Variants in TIAM2 observed in about 807,000 individuals in gnomAD.
The protein encoded by TIAM2 is TIAM Rac1 associated GEF 2.
A neutral mutation model predicts 152.9 loss-of-function variants in TIAM2; 80 were observed. The ratio of observed to expected loss-of-function variants is 0.52; its 90% confidence interval spans 0.44 to 0.63. The LOEUF is 0.63. TIAM2 is among the 30% of genes least tolerant of loss of function. The pLI is 0.00. For synonymous variants in TIAM2, 804 were observed against 838.0 expected (o/e 0.96, Z 0.70); for missense variants, 1,965 against 2,120.1 (o/e 0.93, Z 1.44).
intron 4 of TIAM2, among the ~76,000 whole-genome samples, chr6:155,134,242 C>T (rs1020400743): frequency 6.6e-6 from 1 of 152,016 alleles, no homozygotes; most frequent in South Asian, 2.1e-4. Flanking sequence ...TATTTAAAGA[C>T]ATTCTATATT....
intron 1 of TIAM2, among the ~76,000 whole-genome samples, chr6:155,037,211 C>T (rs73002903): frequency 1.2e-4 from 18 of 152,220 alleles, no homozygotes; most frequent in Non-Finnish European, 1.9e-4. Context: ...TCAATTTTCT[C>T]ATCTGTAAAA....
intron 1 of TIAM2, among the ~76,000 whole-genome samples, chr6:155,062,722 G>T (rs1023471060): frequency 9.2e-5 from 14 of 151,816 alleles, no homozygotes; most frequent in African/African-American, 3.1e-4. Flanking sequence ...GGGATTACAG[G>T]TACCCACCAT....
chr6:155,099,661 G>A (rs781055354), intron 2 of TIAM2, among the ~76,000 whole-genome samples: 5 of 152,164 alleles, frequency 3.3e-5, no homozygotes, highest in African/African-American at 4.8e-5. Flanking sequence ...AGTTATTAAC[G>A]CTATGGCTAC....
chr6:155,254,469 G>A lies in TIAM2; in HGVS notation c.4364G>A (p.Arg1455Lys), dbSNP rs969956949. 6.2e-7 allele frequency: 1 copy of A among 1,614,148 alleles called. No individual in the cohort carries two copies. Among genetic ancestry groups the A allele is most frequent in the East Asian group, 2.2e-5 (1 of 44,880 alleles). Residue 1455 changes from arginine (R) to lysine (K), a missense_variant, in exon 26 of 27, where the codon AGG becomes AAG. Transcript: ENST00000682666. ...GTTAAGGTGATTCGTTCTATTCTGA[G>A]GGAGAACTTCAGGCGTCACATAAAG... ...NIVKVIRSILRENFRRHIKCE... is the reference protein window; with the variant it reads ...NIVKVIRSILKENFRRHIKCE...
At chr6:155,089,940 G>A (rs11967458) in intron 1 of TIAM2, among the ~76,000 whole-genome samples, 3,287 of 152,048 alleles carry the variant, frequency 0.022, 112 homozygotes, top group African/African-American at 0.076. Flanking sequence ...CCATCTGTCC[G>A]TCCGTCAGTC....
chr6:155,116,971 C>A (rs921313589), intron 2 of TIAM2, among the ~76,000 whole-genome samples: 2 of 150,992 alleles, frequency 1.3e-5, no homozygotes, highest in South Asian at 4.2e-4. Flanking sequence ...TTATAGAGGC[C>A]AGGATGTTGG....
intron 1 of TIAM2, among the ~76,000 whole-genome samples, chr6:155,052,678 A>G (rs1031118320): frequency 2.0e-5 from 3 of 151,988 alleles, no homozygotes; most frequent in Non-Finnish European, 2.9e-5. Context: ...AGGCAGGAGA[A>G]TCGCTTGAAC....
In TIAM2 at chr6:155,048,421, G is replaced by A. The variant is rs564475092; in HGVS notation, c.-208-41868G>A. Among the ~76,000 whole-genome samples the A allele has an allele frequency of 2.0e-5, 3 of 152,278 alleles. No homozygotes were observed. In the South Asian group the frequency reaches 6.2e-4, roughly 32 times the overall value. Reference sequence around the variant, plus strand: ...GGTCATTTTAAAATATGGATTGTATGTTTTGCCACTGTCCTTTGTAACAAG... The same window carrying A: ...GGTCATTTTAAAATATGGATTGTATATTTTGCCACTGTCCTTTGTAACAAG... On this transcript the variant is annotated intron_variant, in intron 1 of 26. Coordinates refer to ENST00000682666, the MANE Select transcript of TIAM2 (RefSeq NM_012454.4).
chr6:155,157,034 G>A (rs755401968), intron 7 of TIAM2, among the ~76,000 whole-genome samples: 5 of 152,292 alleles, frequency 3.3e-5, no homozygotes, highest in Non-Finnish European at 5.9e-5. Context: ...TGATTTCTTC[G>A]TGTGTAAGGT....
chr6:155,111,599 A>G (rs1778852695), intron 2 of TIAM2, among the ~76,000 whole-genome samples: 1 of 152,116 alleles, frequency 6.6e-6, no homozygotes, highest in African/African-American at 2.4e-5. Context: ...GGTGCCTCTC[A>G]AACGTTTCTG....
chr6:155,179,169 G>A (rs2115135099), intron 11 of TIAM2, 26 bp downstream of exon 11: 1 of 1,586,028 alleles, frequency 6.3e-7, no homozygotes, highest in Admixed American at 1.7e-5. Context: ...CTTTAGGAAG[G>A]GAAACTGAAC....
intron 15 of TIAM2, among the ~76,000 whole-genome samples, chr6:155,217,666 G>A (rs1781894722): frequency 6.6e-6 from 1 of 152,202 alleles, no homozygotes; most frequent in Non-Finnish European, 1.5e-5. Flanking sequence ...TAATCACCTA[G>A]TGTCGCTTTG....
At chr6:155,251,053 A>C in intron 22 of TIAM2, 32 bp downstream of exon 22, 1 of 1,590,512 alleles carries the variant, frequency 6.3e-7, no homozygotes, top group East Asian at 2.2e-5. Flanking sequence ...ATGCAGACTG[A>C]ACAGAGGCTG....
intron 1 of TIAM2, among the ~76,000 whole-genome samples, chr6:155,042,931 C>G (rs1168413094): frequency 6.6e-6 from 1 of 152,162 alleles, no homozygotes; most frequent in East Asian, 1.9e-4. Context: ...CCTCCAGCCT[C>G]CCTCAGTTAC....
intron 1 of TIAM2, among the ~76,000 whole-genome samples, chr6:155,032,784 G>A (rs1018389527): frequency 1.3e-5 from 2 of 152,076 alleles, no homozygotes; most frequent in Non-Finnish European, 2.9e-5. Flanking sequence ...CAGGTGATCC[G>A]CCCACCTCGG....
rs112539599 is a variant in TIAM2 at position 155,240,422 on chromosome 6, T to G, written c.3169-108T>G. 21 of 1,241,582 alleles carry G rather than the reference T, an allele frequency of 1.7e-5. No homozygotes were observed. In the African/African-American group the frequency reaches 2.7e-4, roughly 16 times the overall value. The allele number at this position is 1,241,582 out of a possible 1,614,324, so 76.9% of individuals were successfully genotyped here. A position where few individuals can be genotyped will look rare whatever the true frequency, so the allele number is the denominator to read the frequency against. ...ACCCTTTGCCCTACACAGAGGCCCC[T>G]CTGAGATCCCTGCTGAGCACAGACG... On this transcript the variant is annotated intron_variant, in intron 15 of 26. Coordinates refer to ENST00000682666, the MANE Select transcript of TIAM2 (RefSeq NM_012454.4).
chr6:155,254,759 C>T, intron 26 of TIAM2, 186 bp downstream of exon 26: 1 of 661,566 alleles, frequency 1.5e-6, no homozygotes, highest in Non-Finnish European at 2.5e-6. Context: ...CAGCCACCCC[C>T]AACCCCCAGT....
intron 9 of TIAM2, among the ~76,000 whole-genome samples, chr6:155,173,169 T>G (rs1053412146): frequency 6.8e-5 from 10 of 146,748 alleles, no homozygotes; most frequent in African/African-American, 2.0e-4. Flanking sequence ...TTTGTGAGGG[T>G]TGTGTGTGTG....
chr6:155,191,850 C>T (rs1217776452), intron 14 of TIAM2, among the ~76,000 whole-genome samples: 1 of 151,896 alleles, frequency 6.6e-6, no homozygotes, highest in Non-Finnish European at 1.5e-5. Context: ...TATTTTTCTG[C>T]CTTGTTTTTA....
Sources: gnomAD v4.1 joint callset for allele counts (sites outside exome capture counted in the v4.1 genomes callset) on GRCh38, gnomAD v4.1.1 for gene constraint, MANE v1.5 for transcripts, NCBI Gene and HGNC (gene_info 2026-07-23, HGNC 2026-07-21) for gene names.